Variants in OSBPL10 observed in about 807,000 individuals in gnomAD.
OSBPL10 encodes the protein oxysterol-binding protein-related protein 10.
OSBPL10 carries 49 observed loss-of-function variants against 81.7 expected under a neutral mutation model. The observed-to-expected ratio is 0.60, with a 90% CI of 0.48 to 0.76. OSBPL10 has a LOEUF of 0.76. Among genes scored for constraint, OSBPL10 ranks in the 30% least tolerant of loss-of-function variants. The pLI, the probability that OSBPL10 is intolerant of heterozygous loss-of-function variation, is 0.00. For missense variants in OSBPL10, 923 were observed against 987.8 expected (o/e 0.93, Z 0.88); for synonymous variants, 419 against 383.6 (o/e 1.09, Z -1.08).
chr3:32,007,966 A>G (rs1326557922), intron 2 of OSBPL10, among the ~76,000 whole-genome samples: 1 of 151,576 alleles, frequency 6.6e-6, no homozygotes, highest in East Asian at 2.0e-4. Context: ...CAGCCTCCCA[A>G]AGTGCTGGGA....
chr3:31,902,632 G>A (rs34849578), intron 1 of OSBPL10, among the ~76,000 whole-genome samples: 32,473 of 151,846 alleles, frequency 0.21, 4,043 homozygotes, highest in Admixed American at 0.3. Context: ...GCGCAATCTC[G>A]GCTCACTGCA....
intron 4 of OSBPL10, among the ~76,000 whole-genome samples, chr3:31,779,922 GA>G (rs1698643825): frequency 6.6e-6 from 1 of 152,114 alleles, no homozygotes; most frequent in African/African-American, 2.4e-5. Flanking sequence ...CAAATACATA[GA>G]AATTAATTAA....
At chr3:32,030,356 A>G (rs1432393611) in intron 2 of OSBPL10, 5 of 541,986 alleles carry the variant, frequency 9.2e-6, no homozygotes, top group Non-Finnish European at 1.4e-5. Context: ...GGAATGCCCC[A>G]CAAGAGGCAC....
chr3:31,755,282 A>G (rs1697851876), intron 4 of OSBPL10, among the ~76,000 whole-genome samples: 1 of 152,076 alleles, frequency 6.6e-6, no homozygotes, highest in South Asian at 2.1e-4. Flanking sequence ...TCATTTTTTT[A>G]TGCCTAACGG....
chr3:31,742,358 C>T (rs1697377859), intron 5 of OSBPL10, among the ~76,000 whole-genome samples: 1 of 152,224 alleles, frequency 6.6e-6, no homozygotes, highest in African/African-American at 2.4e-5. Context: ...ACCAATGCAA[C>T]TGGCTTATTA....
chr3:31,735,380 C>T (rs1012809614), intron 5 of OSBPL10, among the ~76,000 whole-genome samples: 1 of 152,124 alleles, frequency 6.6e-6, no homozygotes, highest in African/African-American at 2.4e-5. Context: ...GTCGAGGCTA[C>T]AGTAAGCGGT....
chr3:32,068,278 C>T (rs1045472564), intron 1 of OSBPL10, among the ~76,000 whole-genome samples: 1 of 152,176 alleles, frequency 6.6e-6, no homozygotes, highest in Non-Finnish European at 1.5e-5. Context: ...TGATTATTCA[C>T]CCACATTCCA....
intron 1 of OSBPL10, among the ~76,000 whole-genome samples, chr3:31,920,198 A>G (rs4293736): frequency 0.16 from 25,029 of 152,124 alleles, 2,567 homozygotes; most frequent in African/African-American, 0.26. Flanking sequence ...AATTTTTAGG[A>G]TGGTGAAAAT....
In OSBPL10 at chr3:31,682,374, CT is replaced by C; in HGVS notation, c.1726+1259del. On this transcript the variant is annotated intron_variant, in intron 8 of 11. Coordinates refer to ENST00000396556, the MANE Select transcript of OSBPL10 (RefSeq NM_017784.5). ...AATAGCCCATGAGGTCCTATGTGAT[CT>C]GGCCACCATCACCTCCCTGACCTCC... is the stretch of plus-strand genomic sequence containing the variant. Among the ~76,000 whole-genome samples, 11 of 152,358 alleles carry C rather than the reference CT, an allele frequency of 7.2e-5. 2 individuals are homozygous for C. Among genetic ancestry groups the C allele is most frequent in the Admixed American group, 7.2e-4 (11 of 15,310 alleles).
intron 4 of OSBPL10, among the ~76,000 whole-genome samples, chr3:31,807,819 A>C (rs946340533): frequency 6.6e-6 from 1 of 152,218 alleles, no homozygotes; most frequent in Non-Finnish European, 1.5e-5. Flanking sequence ...ACAAGACATG[A>C]TGTGGCCAAA....
At chr3:32,022,018 T>C (rs1699367477) in intron 2 of OSBPL10, among the ~76,000 whole-genome samples, 1 of 152,060 alleles carries the variant, frequency 6.6e-6, no homozygotes, top group South Asian at 2.1e-4. Context: ...ATATTCTAGA[T>C]ATAAGTCGTT....
chr3:31,721,713 A>AT (rs1254066582), intron 6 of OSBPL10: 1 of 152,254 alleles, frequency 6.6e-6, no homozygotes, highest in Non-Finnish European at 1.5e-5. Context: ...CTAGAATAGC[A>AT]TGACAACACA....
At chr3:32,069,388 C>G (rs1164921652) in intron 1 of OSBPL10, among the ~76,000 whole-genome samples, 1 of 151,956 alleles carries the variant, frequency 6.6e-6, no homozygotes, top group Non-Finnish European at 1.5e-5. Flanking sequence ...AGGCAGATTC[C>G]CCAGGTATAG....
At chr3:31,665,960 G>C (rs551226549) in intron 10 of OSBPL10, among the ~76,000 whole-genome samples, 2 of 152,304 alleles carry the variant, frequency 1.3e-5, no homozygotes, top group South Asian at 4.2e-4. Context: ...AAAGATCTCT[G>C]CCCAACATGA....
At chr3:31,898,049 G>T (rs987737948) in intron 1 of OSBPL10, among the ~76,000 whole-genome samples, 1 of 129,800 alleles carries the variant, frequency 7.7e-6, no homozygotes. Context: ...AGAAGAAGAA[G>T]AGAAAGGAAT....
chr3:31,909,431 G>A (rs1003593132), intron 1 of OSBPL10, among the ~76,000 whole-genome samples: 3 of 151,868 alleles, frequency 2.0e-5, no homozygotes, highest in African/African-American at 4.8e-5. Flanking sequence ...CTGGCATAAC[G>A]GAAAATGAAA....
chr3:31,980,895 T>G lies in OSBPL10; in HGVS notation c.281+4A>C, dbSNP rs1227616822. ...CGCGGTGGCGCGGGCGGCTGGCGCG[T>G]TACCTGTTCTGCCAGCCCTGGAGGA... On this transcript the variant is annotated splice_donor_region_variant and intron_variant, in intron 1 of 11. Transcript: ENST00000396556. The G allele has an allele frequency of 6.4e-7, 1 of 1,564,160 alleles. No homozygotes were observed. Among genetic ancestry groups the G allele is most frequent in the Non-Finnish European group, 8.6e-7 (1 of 1,159,016 alleles).
chr3:31,808,396 C>T (rs1335423267), intron 4 of OSBPL10, among the ~76,000 whole-genome samples: 1 of 152,212 alleles, frequency 6.6e-6, no homozygotes, highest in Non-Finnish European at 1.5e-5. Flanking sequence ...AGCCAGTTGC[C>T]TTGGCAACAG....
intron 1 of OSBPL10, among the ~76,000 whole-genome samples, chr3:32,052,631 G>C (rs147567380): frequency 6.6e-6 from 1 of 152,130 alleles, no homozygotes; most frequent in African/African-American, 2.4e-5. Flanking sequence ...CCATAAAAAA[G>C]GATGAGTTCA....
Sources: allele counts gnomAD v4.1 joint callset (sites outside exome capture counted in the v4.1 genomes callset), GRCh38; gene constraint gnomAD v4.1.1; transcripts MANE v1.5; gene names NCBI Gene and HGNC (gene_info 2026-07-23, HGNC 2026-07-21).